Variants in ARHGAP29 observed in about 807,000 individuals in gnomAD.
The protein encoded by ARHGAP29 is rho GTPase-activating protein 29.
In ARHGAP29, 43 loss-of-function variants were observed where a neutral mutation model predicts 122.6. That is an observed-to-expected ratio of 0.35 (90% CI 0.27 to 0.45). ARHGAP29 has a LOEUF of 0.45. Ranked by LOEUF, ARHGAP29 falls within the 20% of genes least tolerant of loss-of-function variation. ARHGAP29 has a pLI of 1.00. For synonymous variants in ARHGAP29, 506 were observed against 497.1 expected (o/e 1.02, Z -0.24); for missense variants, 1,303 against 1,477.2 (o/e 0.88, Z 1.93).
Position 94,170,801 on chromosome 1 carries a change from A to G in ARHGAP29, c.*3068T>C, listed in dbSNP as rs967089561. ...TAAATGCTTCCTGACATGGTCTAAC[A>G]TTTTCTCCATCAAGATCTTGTACAT... is the stretch of plus-strand genomic sequence containing the variant. On this transcript the variant is annotated 3_prime_UTR_variant, in exon 23 of 23. Coordinates refer to ENST00000260526, the MANE Select transcript of ARHGAP29 (RefSeq NM_004815.4). Among the ~76,000 whole-genome samples, 1 of 152,120 alleles carries G rather than the reference A, an allele frequency of 6.6e-6. No individual in the cohort carries two copies. Among genetic ancestry groups the G allele is most frequent in the African/African-American group, 2.4e-5 (1 of 41,424 alleles).
chr1:94,210,483 CA>C (rs564898033), intron 3 of ARHGAP29, among the ~76,000 whole-genome samples: 70 of 152,322 alleles, frequency 4.6e-4, no homozygotes, highest in African/African-American at 1.5e-3. Context: ...AATTAAACTT[CA>C]AGCCTATAAA....
chr1:94,287,415 C>T, the ARHGAP29 span, among the ~76,000 whole-genome samples: 1 of 152,078 alleles, frequency 6.6e-6, no homozygotes, highest in Non-Finnish European at 1.5e-5. Context: ...TTCTTTGCTT[C>T]CCCTTTCCCT....
rs564099725 is a variant in ARHGAP29 at position 94,185,433 on chromosome 1, G to A, written c.1829C>T (p.Ala610Val). Residue 610 changes from alanine (A) to valine (V), a missense_variant, in exon 17 of 23, where the codon GCT becomes GTT. By Grantham distance (64) the Ala-to-Val change is moderately conservative. Transcript: ENST00000260526. ...CAATTTGCGAAACTTGTGTGTGAGA[G>A]CTGCCTTTGACATCAATGTTTTCTT... ...TFKKTLMSKAALTHKFRKLRS... is the reference protein window; with the variant it reads ...TFKKTLMSKAVLTHKFRKLRS... 6.2e-7 allele frequency: 1 copy of A among 1,612,854 alleles called. No homozygotes were observed.
At chr1:94,301,850 ACTCT>A in the ARHGAP29 span, among the ~76,000 whole-genome samples, 2 of 151,832 alleles carry the variant, frequency 1.3e-5, no homozygotes, top group Non-Finnish European at 2.9e-5. Context: ...TCTTTCTCTT[ACTCT>A]CTCTCTCTAA....
At chr1:94,282,310 G>A in the ARHGAP29 span, among the ~76,000 whole-genome samples, 2 of 148,918 alleles carry the variant, frequency 1.3e-5, no homozygotes, top group Non-Finnish European at 1.5e-5. Context: ...TTTTTGAGAC[G>A]AAGTCTCCCT....
intron 12 of ARHGAP29, chr1:94,190,287 C>A: frequency 2.2e-6 from 1 of 461,594 alleles, no homozygotes; most frequent in Non-Finnish European, 3.6e-6. Context: ...TATCTAGGAG[C>A]AATCATTTCC....
At chr1:94,237,007 C>T (rs1018157772) in intron 1 of ARHGAP29, among the ~76,000 whole-genome samples, 5 of 152,218 alleles carry the variant, frequency 3.3e-5, no homozygotes, top group Admixed American at 2.0e-4. Context: ...GGTTTTTAAC[C>T]TCGGTTTCCC....
chr1:94,233,316 A>C (rs906803293), intron 1 of ARHGAP29, among the ~76,000 whole-genome samples: 1 of 151,654 alleles, frequency 6.6e-6, no homozygotes, highest in Admixed American at 6.6e-5. Context: ...TGTATCATTT[A>C]CTCCTTCCTA....
rs1650976115 is a variant in ARHGAP29, at chr1:94,203,198, G to A, written c.775C>T (p.Leu259=). Reference sequence around the variant, plus strand: ...AGAGCATTAGTAAACAGAGACTGCAGTGGCATGAACTCCTAAAATTTAAAA... The same window carrying A: ...AGAGCATTAGTAAACAGAGACTGCAATGGCATGAACTCCTAAAATTTAAAA... ...TNIGIQEFMP[L]QSLFTNALLN... The change falls in exon 9 of 23, where the codon CTG becomes TTG. Residue 259 remains leucine (L), a synonymous_variant. Coordinates refer to ENST00000260526, the MANE Select transcript of ARHGAP29 (RefSeq NM_004815.4). 3 of 1,604,986 alleles carry A rather than the reference G, an allele frequency of 1.9e-6. No homozygotes were observed. The highest frequency in any genetic ancestry group is 2.2e-5 in the East Asian group (1 of 44,722).
intron 3 of ARHGAP29, among the ~76,000 whole-genome samples, chr1:94,219,319 T>G (rs1652142015): frequency 6.6e-6 from 1 of 152,142 alleles, no homozygotes; most frequent in African/African-American, 2.4e-5. Context: ...CCAATTCCTC[T>G]GTATCTTCTC....
chr1:94,237,736 C>G (rs1653392092), upstream of ARHGAP29: 2 of 985,262 alleles, frequency 2.0e-6, no homozygotes, highest in Admixed American at 1.2e-4. Flanking sequence ...GCGCAGAACG[C>G]GACCGTCAGT....
chr1:94,203,743 A>G (rs1469506575), intron 8 of ARHGAP29, among the ~76,000 whole-genome samples, 187 bp downstream of exon 8: 1 of 152,208 alleles, frequency 6.6e-6, no homozygotes, highest in Non-Finnish European at 1.5e-5. Flanking sequence ...TTAAGACGAA[A>G]AAAAAAGCGT....
chr1:94,307,483 A>T, the ARHGAP29 span, among the ~76,000 whole-genome samples: 1 of 152,234 alleles, frequency 6.6e-6, no homozygotes, highest in Non-Finnish European at 1.5e-5. Flanking sequence ...AAGTAAATAC[A>T]TAGGAATAAT....
At chr1:94,313,528 TTGG>T in the ARHGAP29 span, among the ~76,000 whole-genome samples, 228 of 152,326 alleles carry the variant, frequency 1.5e-3, no homozygotes, top group African/African-American at 4.6e-3. Flanking sequence ...TTTTACACTG[TTGG>T]TGGGAGTGTA....
At chr1:94,269,843 A>G (rs924228529) in intron 1 of ARHGAP29, among the ~76,000 whole-genome samples, 2 of 152,148 alleles carry the variant, frequency 1.3e-5, no homozygotes, top group Non-Finnish European at 2.9e-5. Flanking sequence ...AGGTAAGTGC[A>G]TGAGCTTATA....
At chr1:94,232,288 G>A (rs1263590865) in intron 1 of ARHGAP29, among the ~76,000 whole-genome samples, 1 of 152,104 alleles carries the variant, frequency 6.6e-6, no homozygotes, top group Non-Finnish European at 1.5e-5. Flanking sequence ...ATGACGCGAT[G>A]ATACAGAAGT....
chr1:94,250,509 A>G (rs1476857340), intron 1 of ARHGAP29: 5 of 152,160 alleles, frequency 3.3e-5, no homozygotes, highest in Non-Finnish European at 1.5e-5. Context: ...CTGCTGGGGC[A>G]TGTAAAAGGA....
At chr1:94,190,324 T>C (rs1650060502) in intron 12 of ARHGAP29, 1 of 364,386 alleles carries the variant, frequency 2.7e-6, no homozygotes, top group Admixed American at 4.3e-5. Context: ...AGCTGAAAAG[T>C]TCAAAAGTGA....
chr1:94,281,476 G>A, the ARHGAP29 span, among the ~76,000 whole-genome samples: 5 of 152,270 alleles, frequency 3.3e-5, no homozygotes, highest in Admixed American at 1.3e-4. Context: ...GATCAACACC[G>A]TCAGTGAGAT....
Sources: gnomAD v4.1 joint callset for allele counts (sites outside exome capture counted in the v4.1 genomes callset) on GRCh38, gnomAD v4.1.1 for gene constraint, MANE v1.5 for transcripts, NCBI Gene and HGNC (gene_info 2026-07-23, HGNC 2026-07-21) for gene names.